The following NXPE2 variants were observed in gnomAD, a reference collection of about 807,000 sequenced individuals.
The protein encoded by NXPE2 is NXPE family member 2.
A neutral mutation model predicts 34.4 loss-of-function variants in NXPE2; 34 were observed. The ratio of observed to expected loss-of-function variants is 0.99; its 90% CI spans 0.75 to 1.31. The LOEUF (loss-of-function observed/expected upper bound fraction) is 1.31, where lower values mean the gene tolerates loss of function less well. Among genes scored for constraint, NXPE2 ranks in the 40% most tolerant of loss-of-function variants. NXPE2 has a pLI of 0.00. For synonymous variants in NXPE2, 235 were observed against 231.3 expected, an observed-to-expected ratio of 1.02 and a Z score of -0.15; for missense variants, 649 against 672.5, an observed-to-expected ratio of 0.97 and a Z score of 0.39.
At chr11:114,665,722 A>G in the NXPE2 span, among the ~76,000 whole-genome samples, 1 of 152,158 alleles carries the variant, frequency 6.6e-6, no homozygotes, top group African/African-American at 2.4e-5. Flanking sequence ...GCAAACATCC[A>G]CAGATGAAGT....
the NXPE2 span, among the ~76,000 whole-genome samples, chr11:114,729,499 G>A: frequency 6.6e-6 from 1 of 152,076 alleles, no homozygotes; most frequent in Non-Finnish European, 1.5e-5. Flanking sequence ...GCTTTCCACA[G>A]TGGCTAAACT....
the NXPE2 span, among the ~76,000 whole-genome samples, chr11:114,807,706 C>T: frequency 1.1e-4 from 16 of 151,792 alleles, 1 homozygote; most frequent in South Asian, 2.7e-3. Flanking sequence ...TCCTTAGTGA[C>T]CTACAAAGAG....
At chr11:114,754,537 C>G in the NXPE2 span, among the ~76,000 whole-genome samples, 1 of 152,296 alleles carries the variant, frequency 6.6e-6, no homozygotes, top group African/African-American at 2.4e-5. Flanking sequence ...AAGGTTGGGT[C>G]ATGAGAGCCA....
chr11:114,757,752 T>C, the NXPE2 span, among the ~76,000 whole-genome samples: 1 of 152,172 alleles, frequency 6.6e-6, no homozygotes, highest in Non-Finnish European at 1.5e-5. Flanking sequence ...ACTCATTTTA[T>C]CTTGAAAAAT....
At chr11:114,725,046 A>G in the NXPE2 span, among the ~76,000 whole-genome samples, 3 of 151,868 alleles carry the variant, frequency 2.0e-5, no homozygotes, top group Non-Finnish European at 2.9e-5. Context: ...ATGGTTCATA[A>G]AAGTATATTG....
chr11:114,775,135 A>G, the NXPE2 span, among the ~76,000 whole-genome samples: 1 of 152,174 alleles, frequency 6.6e-6, no homozygotes, highest in South Asian at 2.1e-4. Flanking sequence ...CCTCCCAAAT[A>G]GGGGACGCTG....
chr11:114,649,825 T>G, the NXPE2 span, among the ~76,000 whole-genome samples: 112 of 152,330 alleles, frequency 7.4e-4, no homozygotes, highest in Non-Finnish European at 1.2e-3. Flanking sequence ...ATTTCCCATG[T>G]TCAAATATGT....
At chr11:114,638,691 C>T in the NXPE2 span, among the ~76,000 whole-genome samples, 2 of 152,024 alleles carry the variant, frequency 1.3e-5, no homozygotes, top group Non-Finnish European at 1.5e-5. Flanking sequence ...CAGACAGGAC[C>T]GTCAGCTGCA....
chr11:114,522,113 A>C, the NXPE2 span: 1 of 1,613,998 alleles, frequency 6.2e-7, no homozygotes, highest in South Asian at 1.1e-5. Flanking sequence ...CTTCATGATA[A>C]GATAGTGAAT....
the NXPE2 span, among the ~76,000 whole-genome samples, chr11:114,726,263 C>G: frequency 1.3e-5 from 2 of 151,866 alleles, no homozygotes; most frequent in Non-Finnish European, 2.9e-5. Context: ...ATGTTATATG[C>G]CAGTCTTTCC....
chr11:114,470,100 T>C, the NXPE2 span, among the ~76,000 whole-genome samples: 1 of 152,218 alleles, frequency 6.6e-6, no homozygotes, highest in Non-Finnish European at 1.5e-5. Flanking sequence ...TACCTTTTGA[T>C]GGACATGTGG....
Position 114,706,845 on chromosome 11 carries a change from C to T in NXPE2, c.1595C>T (p.Thr532Met), listed in dbSNP as rs118134956. 3,678 of 1,551,872 alleles carry T rather than the reference C, an allele frequency of 2.4e-3. 22 individuals carry two copies. Among genetic ancestry groups the T allele is most frequent in the Middle Eastern group, 0.017 (103 of 5,994 alleles). The change falls in exon 6 of 6, where the codon ACG (threonine) becomes ATG (methionine). Residue 532 changes from threonine to methionine, a missense_variant. By Grantham distance (81) the Thr-to-Met change is moderately conservative (BLOSUM62 -1). Transcript: ENST00000389586. ...GGTATTATTGATGCCTGGGACATGA[C>T]GATTGCATATTGCACCAACAATGCC... ...NVGIIDAWDM[T>M]IAYCTNNAHP...
chr11:114,650,788 A>C, the NXPE2 span, among the ~76,000 whole-genome samples: 13 of 151,932 alleles, frequency 8.6e-5, no homozygotes, highest in Admixed American at 2.0e-4. Context: ...CTCTGGAAAG[A>C]CTCTCTCTAA....
At chr11:114,587,475 T>A in the NXPE2 span, among the ~76,000 whole-genome samples, 867 of 152,352 alleles carry the variant, frequency 5.7e-3, 5 homozygotes, top group Non-Finnish European at 9.2e-3. Context: ...AAGATCCATC[T>A]ATTGGAGAGT....
At chr11:114,783,132 C>T in the NXPE2 span, among the ~76,000 whole-genome samples, 1 of 152,200 alleles carries the variant, frequency 6.6e-6, no homozygotes, top group Admixed American at 6.5e-5. Context: ...AACCTGCAGT[C>T]GATCTGAAGC....
the NXPE2 span, among the ~76,000 whole-genome samples, chr11:114,795,041 T>C: frequency 2.6e-5 from 4 of 152,222 alleles, no homozygotes; most frequent in Admixed American, 6.5e-5. Flanking sequence ...TTGTGGCTAA[T>C]AATAATTGCT....
At chr11:114,618,269 A>G in the NXPE2 span, among the ~76,000 whole-genome samples, 25 of 152,018 alleles carry the variant, frequency 1.6e-4, 4 homozygotes, top group Admixed American at 1.5e-3. Flanking sequence ...TACCCACTGG[A>G]TAATAAGTAT....
chr11:114,701,566 T>A (rs1433448115), intron 3 of NXPE2, among the ~76,000 whole-genome samples: 1 of 152,166 alleles, frequency 6.6e-6, no homozygotes, highest in African/African-American at 2.4e-5. Context: ...AAATAGAGAT[T>A]TCAGTCTCCC....
At chr11:114,545,044 T>TA in the NXPE2 span, among the ~76,000 whole-genome samples, 32 of 151,358 alleles carry the variant, frequency 2.1e-4, no homozygotes, top group South Asian at 6.3e-4. Flanking sequence ...GGCTAAAATT[T>TA]AAAAAAAAAC....
Sources: gnomAD v4.1 joint callset for allele counts (sites outside exome capture counted in the v4.1 genomes callset) on GRCh38, gnomAD v4.1.1 for gene constraint, MANE v1.5 for transcripts, NCBI Gene and HGNC (gene_info 2026-07-23, HGNC 2026-07-21) for gene names.